KLF8: variants seen among roughly 807,000 people sequenced by gnomAD.
KLF8 encodes the protein KLF transcription factor 8, also known as Krueppel-like factor 8.
KLF8 carries 10 observed loss-of-function variants against 18.2 expected under a neutral mutation model. The ratio of observed to expected loss-of-function variants is 0.55; its 90% CI spans 0.34 to 0.93. The LOEUF (loss-of-function observed/expected upper bound fraction) is 0.93, where lower values mean the gene tolerates loss of function less well. Among genes scored for constraint, KLF8 ranks in the 40% least tolerant of loss-of-function variants. The probability of loss-of-function intolerance (pLI) is 0.02; values close to 1 mark genes in which losing one functional copy is unlikely to be tolerated. For synonymous variants in KLF8, 109 were observed against 97.3 expected, an observed-to-expected ratio of 1.12 and a Z score of -0.71; for missense variants, 264 against 277.9, an observed-to-expected ratio of 0.95 and a Z score of 0.36.
At chrX:55,954,934 T>C in the KLF8 span, among the ~76,000 whole-genome samples, 2 of 111,664 alleles carry the variant, frequency 1.8e-5, no homozygotes, top group East Asian at 2.8e-4. Flanking sequence ...ATTCTATGTA[T>C]ATGAAATGTT....
chrX:55,915,069 G>A, the KLF8 span, among the ~76,000 whole-genome samples: 1 of 110,880 alleles, frequency 9.0e-6, no homozygotes, highest in Non-Finnish European at 1.9e-5. Flanking sequence ...GTTGATCAGG[G>A]AGAAGGGATG....
At chrX:55,930,802 AT>A in the KLF8 span, among the ~76,000 whole-genome samples, 1 of 110,921 alleles carries the variant, frequency 9.0e-6, no homozygotes, top group East Asian at 2.8e-4. Flanking sequence ...TTTATTGCGG[AT>A]TTTTGCATCA....
chrX:55,943,848 C>T, the KLF8 span, among the ~76,000 whole-genome samples: 1 of 112,226 alleles, frequency 8.9e-6, no homozygotes, highest in African/African-American at 3.2e-5. Flanking sequence ...TCCGAATCTA[C>T]CCTGCACACA....
the KLF8 span, among the ~76,000 whole-genome samples, chrX:55,940,219 T>C: frequency 1.8e-5 from 2 of 111,799 alleles, no homozygotes; most frequent in Non-Finnish European, 3.8e-5. Flanking sequence ...AAGCCTGGTT[T>C]AACATAGGAA....
At chrX:56,084,377 A>AAAACAAAC in the KLF8 span, among the ~76,000 whole-genome samples, 7 of 111,294 alleles carry the variant, frequency 6.3e-5, no homozygotes, top group Middle Eastern at 4.2e-3. Context: ...TGAGACCCTG[A>AAAACAAAC]AAACAAACAA....
intron 1 of KLF8, among the ~76,000 whole-genome samples, chrX:56,240,941 G>A (rs1166997829): frequency 9.0e-6 from 1 of 111,607 alleles, no homozygotes; most frequent in East Asian, 2.8e-4. Context: ...TGTGGCACAC[G>A]TTTACCTATG....
the KLF8 span, among the ~76,000 whole-genome samples, chrX:56,105,297 T>A: frequency 9.0e-6 from 1 of 111,634 alleles, no homozygotes; most frequent in Non-Finnish European, 1.9e-5. Flanking sequence ...TTGATCTGTC[T>A]AATATTGTCA....
At chrX:56,246,881 T>C (rs960057905) in intron 1 of KLF8, among the ~76,000 whole-genome samples, 2 of 110,904 alleles carry the variant, frequency 1.8e-5, no homozygotes, top group Admixed American at 1.9e-4. Flanking sequence ...ACTCATGGGG[T>C]ATAAAAGTCC....
the KLF8 span, among the ~76,000 whole-genome samples, chrX:56,168,823 G>T: frequency 9.0e-6 from 1 of 111,144 alleles, no homozygotes; most frequent in Non-Finnish European, 1.9e-5. Flanking sequence ...CAAAGGACAT[G>T]AACTCATCCT....
At chrX:56,200,098 G>C in the KLF8 span, among the ~76,000 whole-genome samples, 1 of 111,017 alleles carries the variant, frequency 9.0e-6, no homozygotes, top group Non-Finnish European at 1.9e-5. Context: ...CTGGGGCTGG[G>C]GGAGGGATAG....
the KLF8 span, among the ~76,000 whole-genome samples, chrX:56,051,544 A>G: frequency 9.1e-6 from 1 of 110,476 alleles, no homozygotes; most frequent in Non-Finnish European, 1.9e-5. Flanking sequence ...GTTTGGCTGG[A>G]TATGAAATTC....
the KLF8 span, among the ~76,000 whole-genome samples, chrX:56,144,824 G>A: frequency 9.3e-6 from 1 of 107,032 alleles, no homozygotes. Context: ...ATGGAGTCTC[G>A]CTCTGTTGCC....
chrX:56,052,405 T>A, the KLF8 span, among the ~76,000 whole-genome samples: 2 of 112,082 alleles, frequency 1.8e-5, no homozygotes, highest in African/African-American at 6.5e-5. Context: ...TGGTTTTATC[T>A]ACTTTTGGTC....
At chrX:56,190,499 A>G in the KLF8 span, among the ~76,000 whole-genome samples, 1 of 111,659 alleles carries the variant, frequency 9.0e-6, no homozygotes, top group Non-Finnish European at 1.9e-5. Context: ...TAATTACAGA[A>G]CATTTCATCC....
chrX:56,009,960 G>A, the KLF8 span, among the ~76,000 whole-genome samples: 1 of 112,174 alleles, frequency 8.9e-6, no homozygotes, highest in Non-Finnish European at 1.9e-5. Context: ...ATTGAATTAT[G>A]TAAAAAAACC....
intron 1 of KLF8, among the ~76,000 whole-genome samples, chrX:56,248,802 A>C (rs767386098): frequency 7.2e-5 from 8 of 111,267 alleles, no homozygotes; most frequent in African/African-American, 2.6e-4. Context: ...ACCACCTCTC[A>C]CTTCATAGTT....
At position 56,284,615 on chromosome X, in the gene KLF8, C is replaced by A; in HGVS notation, c.*121C>A. 2 of 516,343 alleles carry A rather than the reference C, an allele frequency of 3.9e-6. No individual in the cohort carries two copies. The highest frequency in any genetic ancestry group is 5.8e-6 in the Non-Finnish European group (2 of 342,722). The allele number at this position is 516,343 out of a possible 1,213,427, so 42.6% of individuals were successfully genotyped here. On this transcript the variant is annotated 3_prime_UTR_variant, in exon 6 of 6. Transcript: ENST00000468660. ...ATGGGGTTGAAGCAGCCCACTGAGC[C>A]AAGTTGAGGAGACTGGAGGAAAAGA... is the stretch of plus-strand genomic sequence containing the variant.
At chrX:56,062,744 A>T in the KLF8 span, among the ~76,000 whole-genome samples, 1 of 111,186 alleles carries the variant, frequency 9.0e-6, no homozygotes, top group African/African-American at 3.3e-5. Flanking sequence ...CCTGGATAAT[A>T]TCCAGGAGAG....
intron 2 of KLF8, among the ~76,000 whole-genome samples, chrX:56,263,510 G>C (rs200209728): frequency 2.5e-5 from 1 of 39,570 alleles, no homozygotes; most frequent in African/African-American, 4.0e-5. Flanking sequence ...TTTTGACGCA[G>C]AGTCTTGCTC....
Sources: allele counts gnomAD v4.1 joint callset (sites outside exome capture counted in the v4.1 genomes callset), GRCh38; gene constraint gnomAD v4.1.1; transcripts MANE v1.5; gene names NCBI Gene and HGNC (gene_info 2026-07-23, HGNC 2026-07-21).